Variants in MTA3 observed in about 807,000 individuals in gnomAD.
MTA3 encodes the protein metastasis-associated protein MTA3.
In MTA3, 34 loss-of-function variants were observed where a neutral mutation model predicts 83.5. The observed-to-expected ratio is 0.41, with a 90% CI of 0.31 to 0.54. The LOEUF (loss-of-function observed/expected upper bound fraction) is 0.54. Ranked by LOEUF, MTA3 falls within the 20% of genes least tolerant of loss-of-function variation. MTA3 has a pLI of 0.33. For missense variants in MTA3, 761 were observed against 726.4 expected, an observed-to-expected ratio of 1.05 and a Z score of -0.55; for synonymous variants, 303 against 252.7, an observed-to-expected ratio of 1.20 and a Z score of -1.89.
chr2:42,735,774 T>C (rs998993874), intron 16 of MTA3, among the ~76,000 whole-genome samples: 1 of 152,238 alleles, frequency 6.6e-6, no homozygotes, highest in African/African-American at 2.4e-5. Context: ...AGTATGTCAA[T>C]TGCATTTTTC....
intron 2 of MTA3, among the ~76,000 whole-genome samples, chr2:42,547,201 C>G (rs1457009430): frequency 2.0e-5 from 3 of 152,130 alleles, no homozygotes; most frequent in Non-Finnish European, 4.4e-5. Context: ...ATCGGGCAGC[C>G]GGCAGAATCA....
intron 3 of MTA3, among the ~76,000 whole-genome samples, chr2:42,588,422 T>G (rs1680586837): frequency 6.6e-6 from 1 of 152,208 alleles, no homozygotes; most frequent in Non-Finnish European, 1.5e-5. Flanking sequence ...AGGTGTCAGT[T>G]CTTTGTTCTT....
chr2:42,678,874 C>T (rs913748948), intron 8 of MTA3, among the ~76,000 whole-genome samples: 3 of 152,060 alleles, frequency 2.0e-5, no homozygotes, highest in Non-Finnish European at 2.9e-5. Context: ...TTTGAGCTCT[C>T]CTACAGTCTC....
intron 3 of MTA3, among the ~76,000 whole-genome samples, chr2:42,594,728 A>ATATATATATATATATATATATATTTTTT: frequency 1.2e-4 from 3 of 24,042 alleles, no homozygotes; most frequent in African/African-American, 2.2e-4. Flanking sequence ...ATATATATAT[A>ATATATATATATATATATATATATTTTTT]TTTTTTTTTT....
At position 42,719,086 on chromosome 2, in the gene MTA3, C is replaced by A; in HGVS notation, c.1612+12C>A. On this transcript the variant is annotated intron_variant, in intron 15 of 16. Transcript: ENST00000405094. Reference sequence around the variant, plus strand: ...CATTGGGTATTTAGGTGGGTATTTTCTAATAGAGGAAAAACTCAAAGAGCA... The same window carrying A: ...CATTGGGTATTTAGGTGGGTATTTTATAATAGAGGAAAAACTCAAAGAGCA... The A allele has an allele frequency of 6.5e-7, 1 of 1,535,584 alleles. No homozygotes were observed. The highest frequency in any genetic ancestry group is 1.4e-5 in the African/African-American group (1 of 72,790).
chr2:42,524,472 G>GTGTTTTTTTTTTTTTTT (rs1553337451), intron 2 of MTA3, among the ~76,000 whole-genome samples: 2 of 70,668 alleles, frequency 2.8e-5, no homozygotes, highest in African/African-American at 1.1e-4. Flanking sequence ...GGCTAGTTGT[G>GTGTTTTTTTTTTTTTTT]TTTTTTTTTT....
intron 4 of MTA3, among the ~76,000 whole-genome samples, chr2:42,632,223 G>A (rs1686748561): frequency 6.6e-6 from 1 of 151,190 alleles, no homozygotes; most frequent in African/African-American, 2.4e-5. Context: ...CCAAGTAGCT[G>A]GGTTCTACAG....
At chr2:42,543,885 C>T (rs1383904757) in intron 2 of MTA3, among the ~76,000 whole-genome samples, 1 of 151,982 alleles carries the variant, frequency 6.6e-6, no homozygotes, top group East Asian at 1.9e-4. Flanking sequence ...AGACAGGGGT[C>T]TCACTATATT....
intron 8 of MTA3, among the ~76,000 whole-genome samples, chr2:42,674,518 TG>T (rs1558569519): frequency 6.6e-6 from 1 of 152,182 alleles, no homozygotes; most frequent in Non-Finnish European, 1.5e-5. Context: ...CAATGTGTAT[TG>T]GTATCTCTAT....
At chr2:42,709,370 G>T in intron 14 of MTA3, 2 of 1,175,106 alleles carry the variant, frequency 1.7e-6, no homozygotes, top group South Asian at 1.8e-5. Flanking sequence ...CTATTCCATG[G>T]GGTTTTGTGA....
chr2:42,579,120 A>T lies in MTA3; in HGVS notation c.110A>T (p.Asn37Ile). ...CTTATCTCTTAGACTGCAAGTGGCA[A>T]CGTGGAAGCAAAAGTAGTATGCTTT... ...IEELNKTASG[N>I]VEAKVVCFYR... is the part of the protein sequence containing the mutation. Residue 37 changes from asparagine (N) to isoleucine (I), a missense_variant, in exon 3 of 17, where the codon AAC (asparagine) becomes ATC (isoleucine). By Grantham distance (149) the Asn-to-Ile change is moderately radical. Transcript: ENST00000405094. The T allele has an allele frequency of 6.2e-7, 1 of 1,605,902 alleles. No homozygotes were observed. Among genetic ancestry groups the T allele is most frequent in the Non-Finnish European group, 8.5e-7 (1 of 1,176,406 alleles).
At chr2:42,746,029 G>A (rs1385997697) in intron 16 of MTA3, among the ~76,000 whole-genome samples, 1 of 151,400 alleles carries the variant, frequency 6.6e-6, no homozygotes, top group African/African-American at 2.4e-5. Flanking sequence ...AGCCAGGATG[G>A]TCTCGATCTC....
At chr2:42,552,717 C>T (rs1397976334) in intron 2 of MTA3, among the ~76,000 whole-genome samples, 2 of 151,818 alleles carry the variant, frequency 1.3e-5, no homozygotes, top group Non-Finnish European at 1.5e-5. Flanking sequence ...TTTGTGAGGC[C>T]GAGGTGGGCG....
intron 2 of MTA3, among the ~76,000 whole-genome samples, chr2:42,553,710 G>A (rs541638481): frequency 9.4e-4 from 142 of 151,456 alleles, no homozygotes; most frequent in African/African-American, 3.2e-3. Flanking sequence ...CCTCCAGCCT[G>A]GGCAACAAGA....
At chr2:42,703,825 T>C (rs2374440) in intron 11 of MTA3, 110,674 of 169,988 alleles carry the variant, frequency 0.65, 37,073 homozygotes, top group African/African-American at 0.81. Context: ...GGGACACGGA[T>C]GTTGCAGTGA....
intron 5 of MTA3, among the ~76,000 whole-genome samples, chr2:42,642,657 T>C (rs1312899075): frequency 6.6e-6 from 1 of 151,538 alleles, no homozygotes; most frequent in East Asian, 1.9e-4. Context: ...TTTTTTTTTT[T>C]TTTTGAGATG....
At chr2:42,703,122 G>A (rs1314633370) in intron 11 of MTA3, 1 of 151,978 alleles carries the variant, frequency 6.6e-6, no homozygotes, top group South Asian at 2.1e-4. Context: ...CCTATGCCTG[G>A]GTAATTTTTA....
At chr2:42,703,936 C>A in intron 11 of MTA3, 1 of 291,588 alleles carries the variant, frequency 3.4e-6, no homozygotes, top group South Asian at 4.1e-5. Flanking sequence ...AAATTGTATT[C>A]GGACCAGAAA....
chr2:42,641,359 G>A (rs1011161251), intron 5 of MTA3, among the ~76,000 whole-genome samples: 11 of 151,960 alleles, frequency 7.2e-5, no homozygotes, highest in African/African-American at 2.7e-4. Flanking sequence ...AACAGGAAAA[G>A]TCATATTCAA....
Sources: gnomAD v4.1 joint callset for allele counts (sites outside exome capture counted in the v4.1 genomes callset) on GRCh38, gnomAD v4.1.1 for gene constraint, MANE v1.5 for transcripts, NCBI Gene and HGNC (gene_info 2026-07-23, HGNC 2026-07-21) for gene names.